Variants in RETREG1 observed in about 807,000 individuals in gnomAD.
RETREG1 encodes the protein family with sequence similarity 134 member B.
A neutral mutation model predicts 54.8 loss-of-function variants in RETREG1; 44 were observed. The observed-to-expected ratio is 0.80, with a 90% CI of 0.63 to 1.03. The LOEUF (loss-of-function observed/expected upper bound fraction) is 1.03. Among genes scored for constraint, RETREG1 ranks in the 50% least tolerant of loss-of-function variants. RETREG1 has a pLI of 0.00. For synonymous variants in RETREG1, 217 were observed against 238.5 expected (o/e 0.91, Z 0.83); for missense variants, 554 against 605.1 (o/e 0.92, Z 0.89).
intron 1 of RETREG1, among the ~76,000 whole-genome samples, chr5:16,575,031 G>C (rs1014985863): frequency 6.6e-6 from 1 of 152,096 alleles, no homozygotes; most frequent in African/African-American, 2.4e-5. Context: ...TCTCAATTCA[G>C]GATTCATTCT....
At chr5:16,615,829 T>G (rs1743489359) in intron 1 of RETREG1, 1 of 152,250 alleles carries the variant, frequency 6.6e-6, no homozygotes, top group Non-Finnish European at 1.5e-5. Context: ...GTCTGATTAT[T>G]CTGCACTGTG....
At chr5:16,517,064 G>A (rs867960671) in intron 3 of RETREG1, among the ~76,000 whole-genome samples, 76 of 152,284 alleles carry the variant, frequency 5.0e-4, no homozygotes, top group African/African-American at 1.7e-3. Flanking sequence ...GCATGGGAAC[G>A]AGGAGGAAGA....
At chr5:16,549,876 T>C (rs1036826010) in intron 3 of RETREG1, among the ~76,000 whole-genome samples, 5 of 152,300 alleles carry the variant, frequency 3.3e-5, no homozygotes, top group African/African-American at 1.2e-4. Context: ...ATCTAGAACA[T>C]GTATTTTCTG....
chr5:16,517,017 G>T (rs1444451255), intron 3 of RETREG1, among the ~76,000 whole-genome samples: 2 of 152,154 alleles, frequency 1.3e-5, no homozygotes, highest in Non-Finnish European at 2.9e-5. Context: ...GCCTGCAGGG[G>T]GAACAATACT....
intron 3 of RETREG1, among the ~76,000 whole-genome samples, chr5:16,509,939 A>G (rs1219351265): frequency 6.6e-6 from 1 of 152,222 alleles, no homozygotes; most frequent in East Asian, 1.9e-4. Context: ...GGCTGCAGTG[A>G]GCCAAGATCG....
chr5:16,538,455 G>T (rs569473268), intron 3 of RETREG1, among the ~76,000 whole-genome samples: 60 of 152,210 alleles, frequency 3.9e-4, no homozygotes, highest in African/African-American at 1.4e-3. Context: ...ACGTGTCAGA[G>T]ACTGCATTAA....
rs369071745 is a variant in RETREG1 at position 16,520,325 on chromosome 5, T to TTGTTG, written c.459-36854_459-36853insCAACA. The stretch of plus-strand genomic sequence containing the variant: ...TTTTTGGGGGTTTTGTGGTTTTTTT[T>TTGTTG]TTGTTGTTGTTGTTGTTTTTTGAGA... On this transcript the variant is annotated intron_variant, in intron 3 of 8. Transcript: ENST00000306320. Among the ~76,000 whole-genome samples, 77 of 151,704 alleles carry TTGTTG rather than the reference T, an allele frequency of 5.1e-4. 1 individual carries two copies. The highest frequency in any genetic ancestry group is 3.5e-3 in the Admixed American group (53 of 15,244).
At chr5:16,537,961 A>T (rs1741126586) in intron 3 of RETREG1, among the ~76,000 whole-genome samples, 2 of 152,154 alleles carry the variant, frequency 1.3e-5, no homozygotes, top group South Asian at 4.1e-4. Context: ...ATAGTCACAG[A>T]ATCACAGTTT....
chr5:16,501,344 G>A (rs941978858), intron 3 of RETREG1, among the ~76,000 whole-genome samples: 53 of 152,218 alleles, frequency 3.5e-4, no homozygotes, highest in African/African-American at 1.2e-3. Context: ...GCATTGCATG[G>A]TTCTAAAACC....
chr5:16,508,998 TGAC>T, intron 3 of RETREG1: 1 of 1,019,618 alleles, frequency 9.8e-7, no homozygotes, highest in Non-Finnish European at 1.2e-6. Flanking sequence ...CTTCATTGGA[TGAC>T]TTCACCTAGG....
intron 3 of RETREG1, among the ~76,000 whole-genome samples, chr5:16,527,634 A>G (rs1740754292): frequency 6.6e-6 from 1 of 152,094 alleles, no homozygotes; most frequent in Admixed American, 6.5e-5. Flanking sequence ...TACACATCTC[A>G]TAATTCTTTC....
At chr5:16,571,076 CTG>C (rs2126632780) in intron 2 of RETREG1, among the ~76,000 whole-genome samples, 1 of 152,302 alleles carries the variant, frequency 6.6e-6, no homozygotes, top group Admixed American at 6.5e-5. Context: ...AGACTTATAA[CTG>C]GATTTCAAGC....
chr5:16,519,094 TAC>T (rs1187695096), intron 3 of RETREG1, among the ~76,000 whole-genome samples: 2 of 152,166 alleles, frequency 1.3e-5, no homozygotes, highest in African/African-American at 2.4e-5. Flanking sequence ...TGAGCATCTA[TAC>T]ACGTGTTGTA....
At chr5:16,549,807 C>T (rs1267955661) in intron 3 of RETREG1, among the ~76,000 whole-genome samples, 2 of 152,024 alleles carry the variant, frequency 1.3e-5, no homozygotes, top group Admixed American at 6.6e-5. Context: ...GAAAATATCA[C>T]TCATTTTAAT....
chr5:16,576,149 C>A (rs1208024615), intron 1 of RETREG1, among the ~76,000 whole-genome samples: 1 of 152,100 alleles, frequency 6.6e-6, no homozygotes, highest in Non-Finnish European at 1.5e-5. Context: ...AACAATTCTC[C>A]ATTCATGGGT....
intron 3 of RETREG1, among the ~76,000 whole-genome samples, chr5:16,533,097 T>C (rs955050528): frequency 6.6e-6 from 1 of 151,774 alleles, no homozygotes; most frequent in African/African-American, 2.4e-5. Context: ...CAGGCTGGAG[T>C]GCAGTGGCGC....
At chr5:16,592,689 A>G (rs1742806320) in intron 1 of RETREG1, among the ~76,000 whole-genome samples, 1 of 150,870 alleles carries the variant, frequency 6.6e-6, no homozygotes, top group Non-Finnish European at 1.5e-5. Context: ...AATGTGGTAC[A>G]TATACGCCCT....
At chr5:16,519,875 G>T (rs1448921971) in intron 3 of RETREG1, among the ~76,000 whole-genome samples, 1 of 152,156 alleles carries the variant, frequency 6.6e-6, no homozygotes, top group African/African-American at 2.4e-5. Flanking sequence ...TTGTTCATTT[G>T]TTTGTTATGG....
intron 3 of RETREG1, among the ~76,000 whole-genome samples, chr5:16,490,800 C>T (rs1000878697): frequency 2.4e-4 from 36 of 152,192 alleles, no homozygotes; most frequent in Non-Finnish European, 4.7e-4. Flanking sequence ...ACATGGGGAC[C>T]ATTGCAAAGA....
Sources: gnomAD v4.1 joint callset for allele counts (sites outside exome capture counted in the v4.1 genomes callset) on GRCh38, gnomAD v4.1.1 for gene constraint, MANE v1.5 for transcripts, NCBI Gene and HGNC (gene_info 2026-07-23, HGNC 2026-07-21) for gene names.